The following RBM19 variants were observed in gnomAD, a reference collection of about 807,000 sequenced individuals.
RBM19 encodes the protein probable RNA-binding protein 19.
A neutral mutation model predicts 116.8 loss-of-function variants in RBM19; 94 were observed. The observed-to-expected ratio is 0.80, with a 90% CI of 0.68 to 0.95. RBM19 has a LOEUF of 0.95. Ranked by LOEUF, RBM19 falls within the 40% of genes least tolerant of loss-of-function variation. The pLI, the probability that RBM19 is intolerant of heterozygous loss-of-function variation, is 0.00. For synonymous variants in RBM19, 475 were observed against 494.1 expected (o/e 0.96, Z 0.51); for missense variants, 1,161 against 1,220.7 (o/e 0.95, Z 0.73).
At chr12:113,829,849 A>G (rs951099970) in intron 23 of RBM19, among the ~76,000 whole-genome samples, 2 of 152,248 alleles carry the variant, frequency 1.3e-5, no homozygotes, top group African/African-American at 4.8e-5. Flanking sequence ...AGGCCACCCC[A>G]GAGGACAGGC....
chr12:113,928,353 AAAC>A (rs151121535), intron 16 of RBM19, among the ~76,000 whole-genome samples: 12,718 of 150,878 alleles, frequency 0.084, 656 homozygotes, highest in East Asian at 0.17. Flanking sequence ...AAAACAAAAC[AAAC>A]AACAACAACA....
Position 113,966,293 on chromosome 12 carries a change from T to G in RBM19, c.-66A>C. The G allele has an allele frequency of 6.2e-7, 1 of 1,603,028 alleles. No individual in the cohort carries two copies. ...CAGCGTCTTCCACCAAGTTTCACGCTACCGCCCTGGGCGCCGCCATCTTTA... is the reference window on the plus strand; with the variant it reads ...CAGCGTCTTCCACCAAGTTTCACGCGACCGCCCTGGGCGCCGCCATCTTTA... On this transcript the variant is annotated 5_prime_UTR_variant, in exon 1 of 24. Transcript: ENST00000261741.
intron 6 of RBM19, among the ~76,000 whole-genome samples, chr12:113,955,600 T>G (rs1009718819): frequency 3.9e-5 from 6 of 152,264 alleles, no homozygotes; most frequent in African/African-American, 1.2e-4. Context: ...ATCTACTACA[T>G]CTTCACAACA....
rs118062534 is a variant in RBM19, at chr12:113,912,474, G to A, written c.2558+2495C>T. On this transcript the variant is annotated intron_variant, in intron 21 of 23. Coordinates refer to ENST00000261741, the MANE Select transcript of RBM19 (RefSeq NM_016196.4). ...CAGCAGAGAGGAGTGGCTCCAAGCC[G>A]GGGCTCTGGGTTAGGCTGACTTAGA... 2.2e-3 allele frequency among the ~76,000 whole-genome samples: 329 copies of A among 152,324 alleles called. 8 individuals carry two copies. In the East Asian group the frequency reaches 0.046, roughly 21 times the overall value.
chr12:113,919,961 C>T (rs900913159), intron 19 of RBM19, among the ~76,000 whole-genome samples: 3 of 152,170 alleles, frequency 2.0e-5, no homozygotes, highest in Non-Finnish European at 4.4e-5. Context: ...AGTAAAATGG[C>T]CTAGAAGATC....
intron 8 of RBM19, among the ~76,000 whole-genome samples, chr12:113,951,870 T>C (rs1593643018): frequency 1.3e-5 from 2 of 152,194 alleles, no homozygotes; most frequent in South Asian, 4.1e-4. Flanking sequence ...AGAGTACACA[T>C]CCAGCGGCTT....
chr12:113,859,825 C>A (rs975785599), intron 21 of RBM19, among the ~76,000 whole-genome samples: 1 of 151,234 alleles, frequency 6.6e-6, no homozygotes, highest in Non-Finnish European at 1.5e-5. Flanking sequence ...AAAATCTACA[C>A]ACACTTGCGG....
At chr12:113,821,937 C>CTGGAACCTCATCCCCACCAAA (rs1171139500), downstream of RBM19, 1 of 152,134 alleles carries the variant, frequency 6.6e-6, no homozygotes, top group Non-Finnish European at 1.5e-5. Context: ...TGGATGAAGA[C>CTGGAACCTCATCCCCACCAAA]TGGAACCTCA....
intron 21 of RBM19, among the ~76,000 whole-genome samples, chr12:113,914,222 GCCTGAGTT>G (rs2135851867): frequency 6.6e-6 from 1 of 152,356 alleles, no homozygotes; most frequent in South Asian, 2.1e-4. Context: ...GTCTTACGAA[GCCTGAGTT>G]CCTGCATGGC....
intron 18 of RBM19, among the ~76,000 whole-genome samples, chr12:113,921,987 G>T (rs559394693): frequency 2.6e-5 from 4 of 152,280 alleles, no homozygotes; most frequent in African/African-American, 9.6e-5. Flanking sequence ...ATTGCGGGGT[G>T]GGGGGATGGA....
At chr12:113,941,552 C>T (rs967293563) in intron 14 of RBM19, among the ~76,000 whole-genome samples, 1 of 151,344 alleles carries the variant, frequency 6.6e-6, no homozygotes, top group Non-Finnish European at 1.5e-5. Context: ...CATCTATCTA[C>T]CCATCCATCC....
At chr12:113,877,868 G>T (rs1479131946) in intron 21 of RBM19, among the ~76,000 whole-genome samples, 1 of 151,976 alleles carries the variant, frequency 6.6e-6, no homozygotes, top group South Asian at 2.1e-4. Flanking sequence ...ATGTCCACTG[G>T]GACAGCAATT....
chr12:113,966,221 G>A lies in RBM19; in HGVS notation c.7C>T (p.Arg3Ter), dbSNP rs763716462. MS[R>*]LIVKNLPNGM... is the part of the protein sequence containing the mutation. ...TTCGGGAGATTCTTCACGATCAGTC[G>A]CGACATGGCGCAGGGTCCCCGCTGT... The change falls in exon 1 of 24, where the codon CGA (arginine) becomes TGA (stop). Residue 3 changes from arginine to a stop codon, truncating the protein, a stop_gained. Transcript: ENST00000261741. LOFTEE classifies it high-confidence loss of function. 2 of 1,614,248 alleles carry A rather than the reference G, an allele frequency of 1.2e-6. No individual in the cohort carries two copies. The highest frequency in any genetic ancestry group is 1.7e-6 in the Non-Finnish European group (2 of 1,180,046).
chr12:113,952,449 T>G, intron 8 of RBM19, 63 bp downstream of exon 8: 2 of 1,439,476 alleles, frequency 1.4e-6, no homozygotes, highest in Admixed American at 3.6e-5. Context: ...CTTATTCAAG[T>G]ACCCCAACCT....
At chr12:113,953,774 A>C (rs1344201584) in intron 7 of RBM19, among the ~76,000 whole-genome samples, 2 of 152,280 alleles carry the variant, frequency 1.3e-5, no homozygotes, top group Non-Finnish European at 2.9e-5. Flanking sequence ...AAAGATCAGC[A>C]AACTATGGCC....
chr12:113,944,896 T>TAC (rs373882056), intron 13 of RBM19, among the ~76,000 whole-genome samples: 11 of 151,338 alleles, frequency 7.3e-5, no homozygotes, highest in South Asian at 4.2e-4. Context: ...TATATACATA[T>TAC]ACACACACAC....
chr12:113,958,675 T>G (rs1872194382), intron 5 of RBM19, among the ~76,000 whole-genome samples: 1 of 152,096 alleles, frequency 6.6e-6, no homozygotes, highest in Non-Finnish European at 1.5e-5. Context: ...TAGACCCAAA[T>G]AGATGCCCAG....
At chr12:113,887,499 T>C (rs140043440) in intron 21 of RBM19, among the ~76,000 whole-genome samples, 4,756 of 151,456 alleles carry the variant, frequency 0.031, 235 homozygotes, top group African/African-American at 0.11. Context: ...TAGCCAGGCG[T>C]GGTGGCATGC....
chr12:113,940,954 T>C (rs778555978), intron 14 of RBM19, among the ~76,000 whole-genome samples: 17 of 152,170 alleles, frequency 1.1e-4, no homozygotes, highest in Non-Finnish European at 2.2e-4. Flanking sequence ...TAAAAGTACA[T>C]GTAATATGAG....
Sources: allele counts gnomAD v4.1 joint callset (sites outside exome capture counted in the v4.1 genomes callset), GRCh38; gene constraint gnomAD v4.1.1; transcripts MANE v1.5; gene names NCBI Gene and HGNC (gene_info 2026-07-23, HGNC 2026-07-21).